The following AFDN variants were observed in gnomAD, a reference collection of about 807,000 sequenced individuals.
AFDN encodes the protein afadin, adherens junction formation factor, also known as afadin.
In AFDN, 68 loss-of-function variants were observed where a neutral mutation model predicts 216.6. The ratio of observed to expected loss-of-function variants is 0.31; its 90% CI spans 0.26 to 0.38. AFDN has a LOEUF of 0.38. Among genes scored for constraint, AFDN ranks in the 10% least tolerant of loss-of-function variants. The pLI, the probability that AFDN is intolerant of heterozygous loss-of-function variation, is 1.00. For missense variants in AFDN, 2,136 were observed against 2,342.0 expected (o/e 0.91, Z 1.82); for synonymous variants, 868 against 853.7 (o/e 1.02, Z -0.29).
At position 167,969,189 on chromosome 6, in the gene AFDN, G is replaced by A. The variant is rs759403576; in HGVS notation, c.5333G>A (p.Arg1778His). 1.8e-5 allele frequency: 29 copies of A among 1,613,326 alleles called. No homozygotes were observed. The highest frequency in any genetic ancestry group is 1.5e-4 in the South Asian group (14 of 91,072). ...GCCTGTCGGGATGCAAAAGAGAAGC[G>A]CTCTAAAAGGTATGGACGGTTGCAC... is the stretch of plus-strand genomic sequence containing the variant. ...HDACRDAKEK[R>H]SKSQDADSPG... Residue 1778 changes from arginine (R) to histidine (H), a missense_variant, in exon 33 of 34, where the codon CGC (arginine) becomes CAC (histidine). Physicochemically the swap from Arg to His is conservative, Grantham distance 29. This residue lies in a region of AFDN where 981 missense variants were observed against 966.0 expected (regional missense o/e 1.02). Coordinates refer to ENST00000683244, the MANE Select transcript of AFDN (RefSeq NM_001386888.1).
chr6:167,952,082 A>G lies in AFDN; in HGVS notation c.4728A>G (p.Arg1576=). ...TGCTGGAGTGGCAGTTCCAGAAGAG[A>G]CTCCAGGAGTCGAAGCAGAAGGACG... ...KLMLEWQFQK[R]LQESKQKDED... The change falls in exon 30 of 34, where the codon AGA becomes AGG. Residue 1576 remains arginine, a synonymous_variant. Transcript: ENST00000683244. The G allele has an allele frequency of 1.2e-6, 2 of 1,613,912 alleles. No individual in the cohort carries two copies. The highest frequency in any genetic ancestry group is 1.7e-6 in the Non-Finnish European group (2 of 1,179,946).
At chr6:167,965,428 G>A (rs1287651354) in intron 31 of AFDN, among the ~76,000 whole-genome samples, 1 of 152,210 alleles carries the variant, frequency 6.6e-6, no homozygotes, top group Non-Finnish European at 1.5e-5. Context: ...GGAAGTAACA[G>A]GAGCGTGGAG....
chr6:167,946,928 A>G (rs1429994269), intron 27 of AFDN, 27 bp downstream of exon 27: 16 of 1,588,818 alleles, frequency 1.0e-5, no homozygotes, highest in African/African-American at 8.2e-5. Flanking sequence ...TTTGCTTCCT[A>G]AGTACACTTG....
At chr6:167,949,900 C>T (rs1795763923) in intron 29 of AFDN, among the ~76,000 whole-genome samples, 1 of 152,100 alleles carries the variant, frequency 6.6e-6, no homozygotes, top group African/African-American at 2.4e-5. Context: ...AACTGAGAGG[C>T]AGGCCAGAGT....
In AFDN at chr6:167,943,201, A is replaced by G; in HGVS notation, c.3165+7A>G. On this transcript the variant is annotated splice_region_variant and intron_variant, in intron 24 of 33. Transcript: ENST00000683244. ...AGGAGGTGCTGCAGATGTGGTCAGT[A>G]TCATTTTGAAAGAAGTACATTTTCA... 6.2e-7 allele frequency: 1 copy of G among 1,610,282 alleles called. No individual in the cohort carries two copies. Among genetic ancestry groups the G allele is most frequent in the Non-Finnish European group, 8.5e-7 (1 of 1,177,532 alleles).
At chr6:167,854,236 C>A (rs1583166439) in intron 1 of AFDN, among the ~76,000 whole-genome samples, 1 of 151,942 alleles carries the variant, frequency 6.6e-6, no homozygotes, top group South Asian at 2.1e-4. Flanking sequence ...CGATTCACTA[C>A]TTTGTATGCT....
At chr6:167,949,140 G>A (rs73035001) in intron 29 of AFDN, among the ~76,000 whole-genome samples, 2,993 of 152,314 alleles carry the variant, frequency 0.02, 53 homozygotes, top group Non-Finnish European at 0.033. Flanking sequence ...AGTTAAGCTG[G>A]GGAACGTTAT....
chr6:167,965,055 TTCTG>T, intron 31 of AFDN: 8 of 1,039,684 alleles, frequency 7.7e-6, no homozygotes, highest in Non-Finnish European at 9.3e-6. Flanking sequence ...CTCTCTAATT[TTCTG>T]TCTGTTAGGG....
At chr6:167,944,669 T>C (rs1172064034) in intron 26 of AFDN, among the ~76,000 whole-genome samples, 1 of 152,152 alleles carries the variant, frequency 6.6e-6, no homozygotes, top group East Asian at 1.9e-4. Context: ...CAAACCTAGA[T>C]GGTGTAGCCT....
intron 2 of AFDN, among the ~76,000 whole-genome samples, chr6:167,865,493 G>A (rs1784076323): frequency 6.6e-6 from 1 of 151,986 alleles, no homozygotes; most frequent in African/African-American, 2.4e-5. Flanking sequence ...CATGCCTGTA[G>A]TCCCAGCTAC....
chr6:167,925,972 A>G lies in AFDN; in HGVS notation c.3099+881A>G, dbSNP rs566422680. Among the ~76,000 whole-genome samples, 6 of 152,350 alleles carry G rather than the reference A, an allele frequency of 3.9e-5. No homozygotes were observed. The South Asian group carries it at 1.2e-3, about 32-fold the overall frequency. ...GTATTTTTGTTTCTATCTCTAGGGA[A>G]TATATGAAAAGCTTGAAACTGTTAC... is the stretch of plus-strand genomic sequence containing the variant. On this transcript the variant is annotated intron_variant, in intron 23 of 33. Coordinates refer to ENST00000683244, the MANE Select transcript of AFDN (RefSeq NM_001386888.1).
chr6:167,885,696 C>CA (rs1379270445), intron 6 of AFDN, among the ~76,000 whole-genome samples: 1 of 152,316 alleles, frequency 6.6e-6, no homozygotes, highest in African/African-American at 2.4e-5. Flanking sequence ...CACACAGACA[C>CA]AAAGTGAGCA....
intron 1 of AFDN, among the ~76,000 whole-genome samples, chr6:167,857,715 C>T (rs565004882): frequency 6.6e-6 from 1 of 152,164 alleles, no homozygotes; most frequent in South Asian, 2.1e-4. Flanking sequence ...TGAACCTGAA[C>T]CAACTGTAGA....
Position 167,962,601 on chromosome 6 carries a change from C to G in AFDN, c.4968+34C>G, listed in dbSNP as rs1198261432. On this transcript the variant is annotated intron_variant, in intron 31 of 33. Transcript: ENST00000683244. The surrounding 1 kb of genome is among the most constrained non-coding windows in gnomAD (Gnocchi z 5.2). ...CCTTTAAGGGCAGCTAGAATTTTACCAAGTTAGCCTGAACGTAATCGATTG... is the reference window on the plus strand; with the variant it reads ...CCTTTAAGGGCAGCTAGAATTTTACGAAGTTAGCCTGAACGTAATCGATTG... 6.2e-7 allele frequency: 1 copy of G among 1,613,482 alleles called. No homozygotes were observed. Among genetic ancestry groups the G allele is most frequent in the Non-Finnish European group, 8.5e-7 (1 of 1,179,478 alleles).
intron 1 of AFDN, among the ~76,000 whole-genome samples, chr6:167,862,575 A>G (rs1370388631): frequency 2.0e-5 from 3 of 152,150 alleles, no homozygotes; most frequent in Admixed American, 1.3e-4. Flanking sequence ...GGGTTCCACC[A>G]TCTTGGTCAG....
intron 4 of AFDN, among the ~76,000 whole-genome samples, chr6:167,872,770 A>C (rs1469572299): frequency 6.6e-6 from 1 of 152,192 alleles, no homozygotes; most frequent in East Asian, 1.9e-4. Context: ...TCAGAGGCTG[A>C]CAAGGTGAAA....
At chr6:167,856,393 C>G (rs1188600317) in intron 1 of AFDN, among the ~76,000 whole-genome samples, 1 of 151,784 alleles carries the variant, frequency 6.6e-6, no homozygotes, top group Non-Finnish European at 1.5e-5. Flanking sequence ...GGAACATGTT[C>G]CCTACAGATA....
rs1031985275 is a variant in AFDN at position 167,954,171 on chromosome 6, T to C, written c.4833+1984T>C. 5.9e-5 allele frequency among the ~76,000 whole-genome samples: 9 copies of C among 152,324 alleles called. 1 individual carries two copies. The highest frequency in any genetic ancestry group is 6.8e-3 in the Middle Eastern group (2 of 294). On this transcript the variant is annotated intron_variant, in intron 30 of 33. Transcript: ENST00000683244. ...ATTTGCTTTTTGCTTAGTAGTTCTG[T>C]TACAATTAGTATCTTAGTCTCCAAA...
At chr6:167,857,810 C>T (rs190826785) in intron 1 of AFDN, among the ~76,000 whole-genome samples, 1 of 152,022 alleles carries the variant, frequency 6.6e-6, no homozygotes, top group East Asian at 1.9e-4. Context: ...TAATGTAGTC[C>T]TTTGAGAACC....
Sources: allele counts gnomAD v4.1 joint callset (sites outside exome capture counted in the v4.1 genomes callset), GRCh38; gene constraint gnomAD v4.1.1; regional missense constraint gnomAD v4.1.1; non-coding constraint Gnocchi (gnomAD v3.1); transcripts MANE v1.5; gene names NCBI Gene and HGNC (gene_info 2026-07-23, HGNC 2026-07-21).